SLC7A2: variants seen among roughly 807,000 people sequenced by gnomAD.
SLC7A2 encodes the protein solute carrier family 7 member 2, also known as cationic amino acid transporter 2.
In SLC7A2, 48 loss-of-function variants were observed where a neutral mutation model predicts 58.9. The observed-to-expected ratio is 0.82, with a 90% CI of 0.65 to 1.04. SLC7A2 has a LOEUF of 1.04. Ranked by LOEUF, SLC7A2 falls within the 50% of genes least tolerant of loss-of-function variation. The pLI, the probability that SLC7A2 is intolerant of heterozygous loss-of-function variation, is 0.00. For missense variants in SLC7A2, 1,029 were observed against 818.8 expected, an observed-to-expected ratio of 1.26 and a Z score of -3.13; for synonymous variants, 363 against 314.5, an observed-to-expected ratio of 1.15 and a Z score of -1.63.
At chr8:17,550,091 A>G (rs1057277079) in intron 5 of SLC7A2, among the ~76,000 whole-genome samples, 1 of 152,142 alleles carries the variant, frequency 6.6e-6, no homozygotes, top group Non-Finnish European at 1.5e-5. Flanking sequence ...TCAGCCTGTA[A>G]TTGGGTGTCA....
At chr8:17,529,084 A>T (rs2150706915) in intron 2 of SLC7A2, among the ~76,000 whole-genome samples, 1 of 152,352 alleles carries the variant, frequency 6.6e-6, no homozygotes, top group South Asian at 2.1e-4. Context: ...ATAATAAAAA[A>T]GCATTATAAA....
chr8:17,523,601 C>CA (rs142181175), intron 2 of SLC7A2, among the ~76,000 whole-genome samples: 5,854 of 152,282 alleles, frequency 0.038, 167 homozygotes, highest in Middle Eastern at 0.17. Context: ...TCAACTTATA[C>CA]AAAAATTAGC....
chr8:17,516,750 C>G (rs1257441995), intron 2 of SLC7A2, among the ~76,000 whole-genome samples: 3 of 152,206 alleles, frequency 2.0e-5, no homozygotes, highest in African/African-American at 4.8e-5. Flanking sequence ...TGACTCTTCA[C>G]TGAACTTAAC....
chr8:17,546,462 A>G (rs1197546962), intron 4 of SLC7A2, among the ~76,000 whole-genome samples: 2 of 152,220 alleles, frequency 1.3e-5, no homozygotes, highest in African/African-American at 4.8e-5. Context: ...CGGGAAGTGT[A>G]TGCTCTGCTT....
chr8:17,512,848 G>C (rs1261227846), intron 2 of SLC7A2, among the ~76,000 whole-genome samples: 1 of 152,060 alleles, frequency 6.6e-6, no homozygotes, highest in Non-Finnish European at 1.5e-5. Flanking sequence ...CTGTGAATTT[G>C]ACTGCTCTAG....
At chr8:17,546,438 T>C (rs1802176970) in intron 4 of SLC7A2, among the ~76,000 whole-genome samples, 1 of 152,228 alleles carries the variant, frequency 6.6e-6, no homozygotes, top group South Asian at 2.1e-4. Context: ...AGCCGTTGTT[T>C]TACTAAAGAT....
chr8:17,569,328 A>T lies in SLC7A2; in HGVS notation c.*4182A>T, dbSNP rs1803410403. 1 of 152,202 alleles carries T rather than the reference A, an allele frequency of 6.6e-6. No homozygotes were observed. The highest frequency in any genetic ancestry group is 2.1e-4 in the South Asian group (1 of 4,828). The allele number at this position is 152,202 out of a possible 1,614,324, so 9.4% of individuals were successfully genotyped here. On this transcript the variant is annotated 3_prime_UTR_variant, in exon 13 of 13. Coordinates refer to ENST00000494857, the MANE Select transcript of SLC7A2 (RefSeq NM_001370338.1). ...ATCATGCGTTATTAAAGTTCACGTG[A>T]TTCATGTGAAATTAACTGTCCTTTT...
intron 7 of SLC7A2, among the ~76,000 whole-genome samples, chr8:17,553,499 A>T (rs1802546759): frequency 6.6e-6 from 1 of 152,346 alleles, no homozygotes; most frequent in East Asian, 1.9e-4. Flanking sequence ...GGCCAGGCAC[A>T]GTGGTTCACT....
chr8:17,533,797 G>A (rs757205683), intron 2 of SLC7A2, among the ~76,000 whole-genome samples: 22 of 152,148 alleles, frequency 1.4e-4, no homozygotes, highest in Admixed American at 6.5e-4. Context: ...TGTGCAGGAC[G>A]TGCAGGTTTG....
chr8:17,527,299 C>G (rs771422203), intron 2 of SLC7A2, among the ~76,000 whole-genome samples: 5 of 152,180 alleles, frequency 3.3e-5, no homozygotes, highest in Non-Finnish European at 7.3e-5. Flanking sequence ...TTTTAGCCGA[C>G]TACAAACCAA....
intron 2 of SLC7A2, among the ~76,000 whole-genome samples, chr8:17,515,207 CA>C (rs1372564278): frequency 1.3e-5 from 2 of 152,000 alleles, no homozygotes; most frequent in Non-Finnish European, 2.9e-5. Flanking sequence ...GGTACTTTTC[CA>C]AAGTCATCAA....
chr8:17,565,089 T>A lies in SLC7A2; in HGVS notation c.1920T>A (p.His640Gln), dbSNP rs1487104940. 2 of 1,613,888 alleles carry A rather than the reference T, an allele frequency of 1.2e-6. No individual in the cohort carries two copies. The highest frequency in any genetic ancestry group is 1.7e-6 in the Non-Finnish European group (2 of 1,179,942). ...AATCTGCCATTCAAGCAAATGACCA[T>A]CACCCAAGAAATCTCAGTTCACCTT... ...EEKSAIQAND[H>Q]HPRNLSSPFI... is the part of the protein sequence containing the mutation. Residue 640 changes from histidine (H) to glutamine (Q), a missense_variant, in exon 13 of 13, where the codon CAT becomes CAA. Transcript: ENST00000494857.
intron 4 of SLC7A2, 98 bp downstream of exon 4, chr8:17,544,704 A>G (rs1802083527): frequency 1.0e-6 from 1 of 983,290 alleles, no homozygotes; most frequent in Non-Finnish European, 1.5e-6. Context: ...TCCCAAGATG[A>G]GATTAGTATA....
intron 2 of SLC7A2, 97 bp from the exon 3 acceptor site, chr8:17,543,212 ACACAAACAC>A: frequency 1.0e-6 from 1 of 993,804 alleles, no homozygotes; most frequent in Non-Finnish European, 1.5e-6. Context: ...ACACACACAC[ACACAAACAC>A]ACACACACAC....
chr8:17,563,470 A>T, intron 11 of SLC7A2, 133 bp from the exon 12 acceptor site: 2 of 628,314 alleles, frequency 3.2e-6, no homozygotes, highest in South Asian at 4.0e-5. Flanking sequence ...TATGGTCTCT[A>T]GAAGCGTGGT....
At chr8:17,548,597 A>G (rs1318226750) in intron 4 of SLC7A2, 81 bp from the exon 5 acceptor site, 1 of 970,400 alleles carries the variant, frequency 1.0e-6, no homozygotes, top group African/African-American at 1.6e-5. Flanking sequence ...GTGAAATAAT[A>G]TCCTAAAGTC....
rs1803224674 is a variant in SLC7A2 at position 17,565,420 on chromosome 8, G to A, written c.*274G>A. On this transcript the variant is annotated 3_prime_UTR_variant, in exon 13 of 13. Coordinates refer to ENST00000494857, the MANE Select transcript of SLC7A2 (RefSeq NM_001370338.1). The stretch of plus-strand genomic sequence containing the variant: ...TGTGTATGTATGTATCTATGTATAT[G>A]CTTGGGAACATGAGTGTTACAAGTT... The A allele has an allele frequency of 3.1e-6, 1 of 320,538 alleles. No individual in the cohort carries two copies. The highest frequency in any genetic ancestry group is 5.8e-6 in the Non-Finnish European group (1 of 173,678). The allele number at this position is 320,538 out of a possible 1,614,324, so 19.9% of individuals were successfully genotyped here.
At chr8:17,535,623 C>G (rs972860006) in intron 2 of SLC7A2, among the ~76,000 whole-genome samples, 1 of 152,206 alleles carries the variant, frequency 6.6e-6, no homozygotes, top group African/African-American at 2.4e-5. Context: ...ACATTTTTGG[C>G]CGGGCGCGGT....
intron 6 of SLC7A2, 118 bp downstream of exon 6, chr8:17,550,552 G>A: frequency 1.2e-6 from 1 of 857,716 alleles, no homozygotes; most frequent in Non-Finnish European, 1.8e-6. Flanking sequence ...AAGGGCACTA[G>A]TTCCAGGCCC....
Sources: allele counts gnomAD v4.1 joint callset (sites outside exome capture counted in the v4.1 genomes callset), GRCh38; gene constraint gnomAD v4.1.1; transcripts MANE v1.5; gene names NCBI Gene and HGNC (gene_info 2026-07-23, HGNC 2026-07-21).